Variants in KYNU observed in about 807,000 individuals in gnomAD.
The protein encoded by KYNU is kynureninase.
Under a neutral mutation model 59.2 loss-of-function variants are expected in KYNU, and 54 were observed. That is an observed-to-expected ratio of 0.91 (90% CI 0.73 to 1.14). KYNU has a LOEUF of 1.14. Ranked by LOEUF, KYNU falls within the 50% of genes most tolerant of loss-of-function variation. The pLI is 0.00. For synonymous variants in KYNU, 177 were observed against 192.0 expected, an observed-to-expected ratio of 0.92 and a Z score of 0.65; for missense variants, 567 against 554.4, an observed-to-expected ratio of 1.02 and a Z score of -0.23.
At chr2:143,002,371 T>A (rs1685729345) in intron 10 of KYNU, among the ~76,000 whole-genome samples, 2 of 152,346 alleles carry the variant, frequency 1.3e-5, no homozygotes, top group African/African-American at 4.8e-5. Flanking sequence ...TCTTTTTTCC[T>A]AAGAACACAT....
At chr2:142,940,097 T>A (rs1212045632) in intron 4 of KYNU, among the ~76,000 whole-genome samples, 1 of 152,234 alleles carries the variant, frequency 6.6e-6, no homozygotes, top group Non-Finnish European at 1.5e-5. Flanking sequence ...TGAATTGCAT[T>A]TAAAAGTGTG....
intron 4 of KYNU, among the ~76,000 whole-genome samples, chr2:142,941,673 A>C (rs1370679420): frequency 6.6e-6 from 1 of 152,168 alleles, no homozygotes; most frequent in East Asian, 1.9e-4. Flanking sequence ...CAGGAATTTA[A>C]GAGATTTGCC....
At position 142,960,788 on chromosome 2, in the gene KYNU, T is replaced by C. The variant is rs1318472086; in HGVS notation, c.729+18T>C. 6.2e-7 allele frequency: 1 copy of C among 1,613,106 alleles called. No individual in the cohort carries two copies. The highest frequency in any genetic ancestry group is 1.1e-5 in the South Asian group (1 of 91,052). On this transcript the variant is annotated intron_variant, in intron 8 of 13. Coordinates refer to ENST00000264170, the MANE Select transcript of KYNU (RefSeq NM_003937.3). ...AAGCGAAGGTATGCACGCCATTTACTTCTTCCCACCTTACTCCAAACATCA... is the reference window on the plus strand; with the variant it reads ...AAGCGAAGGTATGCACGCCATTTACCTCTTCCCACCTTACTCCAAACATCA...
Position 143,046,979 on chromosome 2 carries a change from T to C in KYNU, c.*4807T>C, listed in dbSNP as rs527426743. 6.6e-6 allele frequency: 1 copy of C among 152,310 alleles called. No individual in the cohort carries two copies. Among genetic ancestry groups the C allele is most frequent in the Admixed American group, 6.5e-5 (1 of 15,276 alleles). The allele number at this position is 152,310 out of a possible 1,614,324, so 9.4% of individuals were successfully genotyped here. ...GATTTCTTTAATGCTTCTCAAAATT[T>C]TTTATTTTCTCTATTATGGAAACGC... On this transcript the variant is annotated 3_prime_UTR_variant, in exon 14 of 14. Transcript: ENST00000264170.
intron 4 of KYNU, among the ~76,000 whole-genome samples, chr2:142,940,240 G>T (rs1015254788): frequency 2.0e-5 from 3 of 152,186 alleles, no homozygotes; most frequent in Admixed American, 6.5e-5. Context: ...GAGAATATGT[G>T]CTTCTCTTAG....
intron 4 of KYNU, among the ~76,000 whole-genome samples, chr2:142,935,927 A>C (rs1002219295): frequency 1.3e-5 from 2 of 152,144 alleles, no homozygotes; most frequent in Non-Finnish European, 2.9e-5. Flanking sequence ...GCAATGCTAG[A>C]ATTGTCCTGA....
At chr2:142,921,827 TAC>T (rs1682893235) in intron 3 of KYNU, among the ~76,000 whole-genome samples, 1 of 151,700 alleles carries the variant, frequency 6.6e-6, no homozygotes, top group Non-Finnish European at 1.5e-5. Flanking sequence ...CATACATACA[TAC>T]ATACATACAT....
At position 143,042,044 on chromosome 2, in the gene KYNU, C is replaced by T. The variant is rs1465298691; in HGVS notation, c.1273-3C>T. The T allele has an allele frequency of 1.2e-6, 2 of 1,611,140 alleles. No individual in the cohort carries two copies. Among genetic ancestry groups the T allele is most frequent in the Non-Finnish European group, 1.7e-6 (2 of 1,178,116 alleles). On this transcript the variant is annotated splice_region_variant and splice_polypyrimidine_tract_variant and intron_variant, in intron 13 of 13. Transcript: ENST00000264170. ...TTATTGTGGCTTTATTTTTTCCCCA[C>T]AGTGTGACAAGCGGAATCCAAATGG... is the stretch of plus-strand genomic sequence containing the variant.
Position 142,927,360 on chromosome 2 carries a change from T to C in KYNU, c.291-299T>C, listed in dbSNP as rs555525593. 3.5e-4 allele frequency among the ~76,000 whole-genome samples: 53 copies of C among 152,106 alleles called. 1 individual carries two copies. Among genetic ancestry groups the C allele is most frequent in the African/African-American group, 1.1e-3 (46 of 41,510 alleles). On this transcript the variant is annotated intron_variant, in intron 3 of 13. Coordinates refer to ENST00000264170, the MANE Select transcript of KYNU (RefSeq NM_003937.3). ...AGTAGTGTTCAAATAATCTTAAAAA[T>C]TGCAAAATAACTGAGACCAAAAAAA...
At chr2:143,027,669 G>T (rs1376870017) in intron 10 of KYNU, among the ~76,000 whole-genome samples, 1 of 152,048 alleles carries the variant, frequency 6.6e-6, no homozygotes. Context: ...TTTTAATACA[G>T]AATTTTAAAT....
At chr2:142,926,828 G>A (rs912703566) in intron 3 of KYNU, among the ~76,000 whole-genome samples, 17 of 152,202 alleles carry the variant, frequency 1.1e-4, no homozygotes, top group African/African-American at 3.6e-4. Context: ...TGTAAAACAG[G>A]CTGATGGTTC....
chr2:142,915,243 G>C (rs1014998490), intron 2 of KYNU, among the ~76,000 whole-genome samples: 2 of 152,152 alleles, frequency 1.3e-5, no homozygotes, highest in Admixed American at 1.3e-4. Context: ...GAGATTGGAG[G>C]TCTCCAGTGG....
intron 10 of KYNU, among the ~76,000 whole-genome samples, chr2:143,014,662 G>A (rs1309941007): frequency 1.3e-5 from 2 of 152,286 alleles, no homozygotes; most frequent in Non-Finnish European, 1.5e-5. Flanking sequence ...GCAATAAAAT[G>A]TATTGATTCA....
chr2:142,944,523 C>G (rs964861201), intron 4 of KYNU, among the ~76,000 whole-genome samples: 1 of 152,124 alleles, frequency 6.6e-6, no homozygotes, highest in Non-Finnish European at 1.5e-5. Flanking sequence ...AAGTAAAGAT[C>G]CTTTCAAAAC....
At chr2:143,016,475 C>T (rs1333643880) in intron 10 of KYNU, among the ~76,000 whole-genome samples, 2 of 152,094 alleles carry the variant, frequency 1.3e-5, no homozygotes, top group Non-Finnish European at 2.9e-5. Flanking sequence ...GTACTTTATG[C>T]CTGTCTTCTA....
intron 10 of KYNU, among the ~76,000 whole-genome samples, chr2:142,998,678 AT>A (rs1685616460): frequency 6.6e-6 from 1 of 152,132 alleles, no homozygotes; most frequent in African/African-American, 2.4e-5. Context: ...TCAAAAGAAC[AT>A]TTGTTTGAGG....
rs532833245 is a variant in KYNU at position 142,921,307 on chromosome 2, G to A, written c.290+2578G>A. ...GGCAGCTGAATTTGTACCTCCAGGT[G>A]CTAAGGTCCATCTACCTCTGAGGAT... On this transcript the variant is annotated intron_variant, in intron 3 of 13. Transcript: ENST00000264170. 3.3e-5 allele frequency among the ~76,000 whole-genome samples: 5 copies of A among 152,308 alleles called. No homozygotes were observed. The South Asian group carries it at 1.0e-3, about 32-fold the overall frequency.
At chr2:143,022,350 G>T (rs943871396) in intron 10 of KYNU, among the ~76,000 whole-genome samples, 1 of 151,824 alleles carries the variant, frequency 6.6e-6, no homozygotes, top group South Asian at 2.1e-4. Context: ...TGCTAGTATA[G>T]ACCCATTTTT....
At chr2:142,918,382 A>G (rs972050397) in intron 2 of KYNU, among the ~76,000 whole-genome samples, 2 of 152,158 alleles carry the variant, frequency 1.3e-5, no homozygotes, top group Admixed American at 1.3e-4. Context: ...AGCACAGTAA[A>G]TATGAGAGAT....
Sources: gnomAD v4.1 joint callset for allele counts (sites outside exome capture counted in the v4.1 genomes callset) on GRCh38, gnomAD v4.1.1 for gene constraint, MANE v1.5 for transcripts, NCBI Gene and HGNC (gene_info 2026-07-23, HGNC 2026-07-21) for gene names.